FZD5: variants seen among roughly 807,000 people sequenced by gnomAD.
FZD5 encodes frizzled class receptor 5, also known as frizzled-5.
Under a neutral mutation model 40.8 loss-of-function variants are expected in FZD5, and 12 were observed. The observed-to-expected ratio is 0.29, with a 90% CI of 0.19 to 0.48. FZD5 has a LOEUF of 0.48. Among genes scored for constraint, FZD5 ranks in the 20% least tolerant of loss-of-function variants. FZD5 has a pLI of 0.99. For synonymous variants in FZD5, 380 were observed against 383.7 expected, an observed-to-expected ratio of 0.99 and a Z score of 0.11; for missense variants, 622 against 832.8, an observed-to-expected ratio of 0.75 and a Z score of 3.12.
In FZD5 at chr2:207,768,416, C is replaced by T. The variant is rs775929000; in HGVS notation, c.324G>A (p.Val108=). ...YHKPLPPCRS[V]CERAKAGCSP... ...AGCAGCCGGCCTTGGCGCGCTCGCA[C>T]ACCGAGCGGCAGGGCGGCAGCGGCT... is the stretch of plus-strand genomic sequence containing the variant. The change falls in exon 2 of 2, where the codon GTG becomes GTA. Residue 108 remains valine (V), a synonymous_variant. Coordinates refer to ENST00000295417, the MANE Select transcript of FZD5 (RefSeq NM_003468.4). The T allele has an allele frequency of 1.2e-5, 20 of 1,608,598 alleles. No individual in the cohort carries two copies. The East Asian group carries it at 3.6e-4, about 29-fold the overall frequency.
At position 207,768,568 on chromosome 2, in the gene FZD5, C is replaced by A. The variant is rs779839136; in HGVS notation, c.172G>T (p.Asp58Tyr). The A allele has an allele frequency of 5.6e-6, 9 of 1,613,848 alleles. 1 individual carries two copies. In the African/African-American group the frequency reaches 6.7e-5, roughly 12 times the overall value. ...LTHMPNQFNHDTQDEAGLEVH... is the reference protein window; with the variant it reads ...LTHMPNQFNHYTQDEAGLEVH... ...TCCAGGCCCGCCTCGTCCTGCGTGTCGTGGTTGAACTGGTTGGGCATGTGC... is the reference window on the plus strand; with the variant it reads ...TCCAGGCCCGCCTCGTCCTGCGTGTAGTGGTTGAACTGGTTGGGCATGTGC... Residue 58 changes from aspartate (D) to tyrosine (Y), a missense_variant, in exon 2 of 2, where the codon GAC becomes TAC. By Grantham distance (160) the Asp-to-Tyr change is radical. This residue lies in a region of FZD5 where 144 missense variants were observed against 214.2 expected (regional missense o/e 0.67). Coordinates refer to ENST00000295417, the MANE Select transcript of FZD5 (RefSeq NM_003468.4).
In FZD5 at chr2:207,763,294, C is replaced by T. The variant is rs1007442798; in HGVS notation, c.*3688G>A. The T allele has an allele frequency of 2.6e-5, 4 of 152,534 alleles. No individual in the cohort carries two copies. Among genetic ancestry groups the T allele is most frequent in the African/African-American group, 4.8e-5 (2 of 41,406 alleles). 9.4% of individuals were successfully genotyped at this position (152,534 alleles called of 1,614,324 possible). ...TGATGCACTCACAGACAGACACTAT[C>T]CTGGCTGAAATAAATCCTATTGTCA... On this transcript the variant is annotated 3_prime_UTR_variant, in exon 2 of 2. Coordinates refer to ENST00000295417, the MANE Select transcript of FZD5 (RefSeq NM_003468.4).
At position 207,768,629 on chromosome 2, in the gene FZD5, C is replaced by G; in HGVS notation, c.111G>C (p.Thr37=). Residue 37 remains threonine, a synonymous_variant, in exon 2 of 2, where the codon ACG becomes ACC. Coordinates refer to ENST00000295417, the MANE Select transcript of FZD5 (RefSeq NM_003468.4). ...ASKAPVCQEI[T]VPMCRGIGYN... ...AGCCGATGCCGCGGCACATGGGCAC[C>G]GTGATTTCCTGGCACACCGGGGCCT... 1 of 1,613,688 alleles carries G rather than the reference C, an allele frequency of 6.2e-7. No homozygotes were observed. Among genetic ancestry groups the G allele is most frequent in the Non-Finnish European group, 8.5e-7 (1 of 1,179,768 alleles).
Position 207,767,980 on chromosome 2 carries a change from C to G in FZD5, c.760G>C (p.Val254Leu). Reference protein sequence around the residue: ...VLCFISTSTTVATFLIDMERF... With the variant: ...VLCFISTSTTLATFLIDMERF... ...TCCATGTCGATGAGGAAGGTGGCCA[C>G]TGTGGTGGACGTGGAGATGAAGCAC... The change falls in exon 2 of 2, where the codon GTG (valine) becomes CTG (leucine). Residue 254 changes from valine to leucine, a missense_variant. Val to Leu is a conservative substitution (Grantham distance 32). Coordinates refer to ENST00000295417, the MANE Select transcript of FZD5 (RefSeq NM_003468.4). The G allele has an allele frequency of 6.2e-7, 1 of 1,608,654 alleles. No individual in the cohort carries two copies.
At position 207,768,711 on chromosome 2, in the gene FZD5, G is replaced by A; in HGVS notation, c.29C>T (p.Pro10Leu). Reference sequence around the variant, plus strand: ...CGCTAGGAGCAGCAGCAACAGCGAGGGCGGCGCGGATGGGTCAGGCCGAGC... The same window carrying A: ...CGCTAGGAGCAGCAGCAACAGCGAGAGCGGCGCGGATGGGTCAGGCCGAGC... MARPDPSAP[P>L]SLLLLLLAQL... The change falls in exon 2 of 2, where the codon CCC becomes CTC. Residue 10 changes from proline to leucine, a missense_variant. Physicochemically the swap from Pro to Leu is moderately conservative, Grantham distance 98 (BLOSUM62 -3). Coordinates refer to ENST00000295417, the MANE Select transcript of FZD5 (RefSeq NM_003468.4). 6.3e-7 allele frequency: 1 copy of A among 1,595,010 alleles called. No individual in the cohort carries two copies.
Position 207,767,533 on chromosome 2 carries a change from A to G in FZD5, c.1207T>C (p.Phe403Leu). The change falls in exon 2 of 2, where the codon TTC (phenylalanine) becomes CTC (leucine). Residue 403 changes from phenylalanine to leucine, a missense_variant. Around this residue, in one of 4 missense-constraint regions of FZD5, gnomAD observed 208 missense variants for 348.9 expected, o/e 0.60. Coordinates refer to ENST00000295417, the MANE Select transcript of FZD5 (RefSeq NM_003468.4). Reference sequence around the variant, plus strand: ...TAGAGCACCAGCGGGCCCAGCACGAAGCCGCGCAGCGAGTTCAGGTTCTGG... The same window carrying G: ...TAGAGCACCAGCGGGCCCAGCACGAGGCCGCGCAGCGAGTTCAGGTTCTGG... Reference protein sequence around the residue: ...GNQNLNSLRGFVLGPLVLYLL... With the variant: ...GNQNLNSLRGLVLGPLVLYLL... 1 of 1,609,886 alleles carries G rather than the reference A, an allele frequency of 6.2e-7. No individual in the cohort carries two copies. The highest frequency in any genetic ancestry group is 8.5e-7 in the Non-Finnish European group (1 of 1,179,840).
At position 207,765,725 on chromosome 2, in the gene FZD5, C is replaced by T. The variant is rs1239896244; in HGVS notation, c.*1257G>A. 1 of 152,544 alleles carries T rather than the reference C, an allele frequency of 6.6e-6. No homozygotes were observed. 9.4% of individuals were successfully genotyped at this position (152,544 alleles called of 1,614,324 possible). On this transcript the variant is annotated 3_prime_UTR_variant, in exon 2 of 2. Transcript: ENST00000295417. ...TTGGAATATCTGGCTATAAACTAGT[C>T]CAAAGTCCAGGAACACTTATTTTCC...
rs2091964375 is a variant in FZD5, at chr2:207,763,429, T to A, written c.*3553A>T. The A allele has an allele frequency of 6.6e-6, 1 of 152,544 alleles. No homozygotes were observed. The highest frequency in any genetic ancestry group is 2.4e-5 in the African/African-American group (1 of 41,400). The allele number at this position is 152,544 out of a possible 1,614,324, so 9.4% of individuals were successfully genotyped here. A position where few individuals can be genotyped will look rare whatever the true frequency, so the allele number is the denominator to read the frequency against. ...GTTCTTTCAGAACCACCCTCCGCAA[T>A]CCAGACAGATTTGTTTCCCAGGATC... On this transcript the variant is annotated 3_prime_UTR_variant, in exon 2 of 2. Coordinates refer to ENST00000295417, the MANE Select transcript of FZD5 (RefSeq NM_003468.4).
At position 207,763,312 on chromosome 2, in the gene FZD5, T is replaced by C. The variant is rs1344802621; in HGVS notation, c.*3670A>G. Reference sequence around the variant, plus strand: ...ACACTATCCTGGCTGAAATAAATCCTATTGTCATCAGGCTGCTAGCTTTTG... The same window carrying C: ...ACACTATCCTGGCTGAAATAAATCCCATTGTCATCAGGCTGCTAGCTTTTG... On this transcript the variant is annotated 3_prime_UTR_variant, in exon 2 of 2. Coordinates refer to ENST00000295417, the MANE Select transcript of FZD5 (RefSeq NM_003468.4). 6.6e-6 allele frequency: 1 copy of C among 152,642 alleles called. No individual in the cohort carries two copies. Among genetic ancestry groups the C allele is most frequent in the Admixed American group, 6.5e-5 (1 of 15,282 alleles). The allele number at this position is 152,642 out of a possible 1,614,324, so 9.5% of individuals were successfully genotyped here. A position where few individuals can be genotyped will look rare whatever the true frequency, so the allele number is the denominator to read the frequency against.
In FZD5 at chr2:207,768,626, C is replaced by T. The variant is rs1458178935; in HGVS notation, c.114G>A (p.Val38=). The change falls in exon 2 of 2, where the codon GTG becomes GTA. Residue 38 remains valine (V), a synonymous_variant. Transcript: ENST00000295417. ...TGTAGCCGATGCCGCGGCACATGGGCACCGTGATTTCCTGGCACACCGGGG... is the reference window on the plus strand; with the variant it reads ...TGTAGCCGATGCCGCGGCACATGGGTACCGTGATTTCCTGGCACACCGGGG... ...SKAPVCQEIT[V]PMCRGIGYNL... 6.2e-7 allele frequency: 1 copy of T among 1,613,778 alleles called. No homozygotes were observed. The highest frequency in any genetic ancestry group is 8.5e-7 in the Non-Finnish European group (1 of 1,179,794).
rs1184978675 is a variant in FZD5, at chr2:207,767,426, G to A, written c.1314C>T (p.Thr438=). 3.1e-6 allele frequency: 5 copies of A among 1,612,746 alleles called. No individual in the cohort carries two copies. The Admixed American group carries it at 8.3e-5, about 27-fold the overall frequency. Residue 438 remains threonine (T), a synonymous_variant, in exon 2 of 2, where the codon ACC becomes ACT. Coordinates refer to ENST00000295417, the MANE Select transcript of FZD5 (RefSeq NM_003468.4). ...TGAGCTTCTCCAGCTTGTCCGTCTT[G>A]GTGCCGCCCTGCTTGATGACGCTGC... is the stretch of plus-strand genomic sequence containing the variant. ...RIRSVIKQGG[T]KTDKLEKLMI... is the part of the protein sequence containing the mutation.
chr2:207,769,148 C>T (rs747692037), intron 1 of FZD5, 117 bp downstream of exon 1: 4 of 187,772 alleles, frequency 2.1e-5, no homozygotes, highest in Non-Finnish European at 4.5e-5. Context: ...ACCGACTCCC[C>T]CACCCTCTCT....
chr2:207,768,311 G>A lies in FZD5; in HGVS notation c.429C>T (p.Ala143=), dbSNP rs770409407. ...CDRLPVLGRD[A]EVLCMDYNRS... is the part of the protein sequence containing the mutation. ...GGTTGTAATCCATGCAGAGGACCTC[G>A]GCGTCGCGGCCCAGCACCGGGAGGC... Residue 143 remains alanine (A), a synonymous_variant, in exon 2 of 2, where the codon GCC becomes GCT. Transcript: ENST00000295417. 1.0e-5 allele frequency: 16 copies of A among 1,541,982 alleles called. No individual in the cohort carries two copies. Among genetic ancestry groups the A allele is most frequent in the Non-Finnish European group, 1.1e-5 (13 of 1,149,406 alleles).
chr2:207,768,526 G>A lies in FZD5; in HGVS notation c.214C>T (p.Pro72Ser), dbSNP rs780715306. The A allele has an allele frequency of 1.2e-6, 2 of 1,613,982 alleles. No homozygotes were observed. The highest frequency in any genetic ancestry group is 1.7e-6 in the Non-Finnish European group (2 of 1,179,886). Residue 72 changes from proline (P) to serine (S), a missense_variant, in exon 2 of 2, where the codon CCG (proline) becomes TCG (serine). Transcript: ENST00000295417. ...EAGLEVHQFWPLVEIQCSPDL... is the reference protein window; with the variant it reads ...EAGLEVHQFWSLVEIQCSPDL... ...GGCGAGCATTGGATCTCCACCAGCGGCCAGAACTGGTGCACCTCCAGGCCC... is the reference window on the plus strand; with the variant it reads ...GGCGAGCATTGGATCTCCACCAGCGACCAGAACTGGTGCACCTCCAGGCCC...
Position 207,768,149 on chromosome 2 carries a change from C to T in FZD5, c.591G>A (p.Val197=), listed in dbSNP as rs779491807. The T allele has an allele frequency of 6.2e-7, 1 of 1,610,590 alleles. No homozygotes were observed. Among genetic ancestry groups the T allele is most frequent in the South Asian group, 1.1e-5 (1 of 90,960 alleles). The change falls in exon 2 of 2, where the codon GTG becomes GTA. Residue 197 remains valine (V), a synonymous_variant. Coordinates refer to ENST00000295417, the MANE Select transcript of FZD5 (RefSeq NM_003468.4). Reference sequence around the variant, plus strand: ...GCGGGTGTGACTCCTTCAGAATGGGCACGAAGGGCTCGCGACACTTGCACA... The same window carrying T: ...GCGGGTGTGACTCCTTCAGAATGGGTACGAAGGGCTCGCGACACTTGCACA... ...PFVCKCREPF[V]PILKESHPLY...
At position 207,765,486 on chromosome 2, in the gene FZD5, T is replaced by C. The variant is rs1028550890; in HGVS notation, c.*1496A>G. The C allele has an allele frequency of 6.6e-6, 1 of 152,234 alleles. No individual in the cohort carries two copies. The highest frequency in any genetic ancestry group is 1.5e-5 in the Non-Finnish European group (1 of 68,042). The allele number at this position is 152,234 out of a possible 1,614,324, so 9.4% of individuals were successfully genotyped here. ...TGTTCATCAATATAAGCGTTCATAATGAATGAAGGAATAGTTAAACAGATT... is the reference window on the plus strand; with the variant it reads ...TGTTCATCAATATAAGCGTTCATAACGAATGAAGGAATAGTTAAACAGATT... On this transcript the variant is annotated 3_prime_UTR_variant, in exon 2 of 2. Coordinates refer to ENST00000295417, the MANE Select transcript of FZD5 (RefSeq NM_003468.4).
In FZD5 at chr2:207,767,840, G is replaced by A. The variant is rs2091988167; in HGVS notation, c.900C>T (p.Arg300=). 1.2e-6 allele frequency: 2 copies of A among 1,602,042 alleles called. No homozygotes were observed. The highest frequency in any genetic ancestry group is 1.7e-6 in the Non-Finnish European group (2 of 1,174,450). Residue 300 remains arginine, a synonymous_variant, in exon 2 of 2, where the codon CGC becomes CGT. Transcript: ENST00000295417. ...VVGHASVACS[R]EHNHIHYETT... ...TCTCGTAGTGGATGTGGTTGTGCTC[G>A]CGGCTGCAGGCCACGCTGGCATGGC...
At position 207,767,341 on chromosome 2, in the gene FZD5, A is replaced by T; in HGVS notation, c.1399T>A (p.Cys467Ser). 6.2e-7 allele frequency: 1 copy of T among 1,612,330 alleles called. No individual in the cohort carries two copies. Among genetic ancestry groups the T allele is most frequent in the Non-Finnish European group, 8.5e-7 (1 of 1,179,826 alleles). The change falls in exon 2 of 2, where the codon TGC becomes AGC. Residue 467 changes from cysteine to serine, a missense_variant. Coordinates refer to ENST00000295417, the MANE Select transcript of FZD5 (RefSeq NM_003468.4). ...YTVPASIVVA[C>S]YLYEQHYRES... ...CGGTAGTGCTGCTCGTACAGGTAGC[A>T]GGCCACCACAATGCTGGCGGGGACC...
rs2091981477 is a variant in FZD5 at position 207,766,860 on chromosome 2, C to T, written c.*122G>A. 1 of 782,456 alleles carries T rather than the reference C, an allele frequency of 1.3e-6. No homozygotes were observed. Among genetic ancestry groups the T allele is most frequent in the South Asian group, 3.0e-5 (1 of 33,848 alleles). 48.5% of individuals were successfully genotyped at this position (782,456 alleles called of 1,614,324 possible). On this transcript the variant is annotated 3_prime_UTR_variant, in exon 2 of 2. Transcript: ENST00000295417. ...CGAAAACGCCCCTCTTCCCTCTCTC[C>T]AAGTCGCCGCGGGAGGGGGCAACAG...
Sources: allele counts gnomAD v4.1 joint callset, GRCh38; gene constraint gnomAD v4.1.1; regional missense constraint gnomAD v4.1.1; transcripts MANE v1.5; gene names NCBI Gene and HGNC (gene_info 2026-07-23, HGNC 2026-07-21).